The following STK3 variants were observed in gnomAD, a reference collection of about 807,000 sequenced individuals.
STK3 encodes the protein serine/threonine-protein kinase 3.
STK3 carries 41 observed loss-of-function variants against 58.0 expected under a neutral mutation model. The ratio of observed to expected loss-of-function variants is 0.71; its 90% CI spans 0.55 to 0.92. STK3 has a LOEUF of 0.92. Among genes scored for constraint, STK3 ranks in the 40% least tolerant of loss-of-function variants. The probability of loss-of-function intolerance (pLI) is 0.00; values close to 1 mark genes in which losing one functional copy is unlikely to be tolerated. For missense variants in STK3, 479 were observed against 602.7 expected (o/e 0.79, Z 2.15); for synonymous variants, 170 against 191.0 (o/e 0.89, Z 0.91).
intron 10 of STK3, among the ~76,000 whole-genome samples, chr8:98,521,198 C>T (rs1362084060): frequency 6.6e-6 from 1 of 152,102 alleles, no homozygotes; most frequent in Non-Finnish European, 1.5e-5. Context: ...CTGCAATTCC[C>T]TTTTTAAGGC....
intron 4 of STK3, among the ~76,000 whole-genome samples, chr8:98,746,261 C>T (rs765576669): frequency 3.3e-5 from 5 of 152,172 alleles, no homozygotes; most frequent in African/African-American, 9.6e-5. Flanking sequence ...TCACGTTTTA[C>T]GCAATGTCTA....
chr8:98,442,102 C>T (rs1022861979), intron 1 of STK3, among the ~76,000 whole-genome samples: 2 of 152,246 alleles, frequency 1.3e-5, no homozygotes, highest in African/African-American at 2.4e-5. Flanking sequence ...CATCTTCTCA[C>T]TCTTCTTTGT....
chr8:98,870,245 A>G (rs892130340), intron 3 of STK3, among the ~76,000 whole-genome samples: 1 of 152,176 alleles, frequency 6.6e-6, no homozygotes, highest in African/African-American at 2.4e-5. Flanking sequence ...TCTATCACTG[A>G]TGGACATTTG....
chr8:98,917,009 T>C (rs1029585255), intron 1 of STK3, among the ~76,000 whole-genome samples: 1 of 152,182 alleles, frequency 6.6e-6, no homozygotes, highest in African/African-American at 2.4e-5. Context: ...TCTGCACTTC[T>C]TCATGCAGGT....
upstream of STK3, among the ~76,000 whole-genome samples, chr8:98,391,177 C>T (rs766953950): frequency 3.5e-4 from 53 of 152,180 alleles, no homozygotes; most frequent in Non-Finnish European, 3.1e-4. Context: ...AAGGATGTTG[C>T]TATTTTTGTC....
rs141490802 is a variant in STK3, at chr8:98,908,876, C to T, written c.-78-25042G>A. On this transcript the variant is annotated intron_variant, in intron 1 of 1. Transcript: ENST00000519420. ...AAAAAAAAAAAAAAGAAAAACAAGG[C>T]TGGGAGAGGTGGCTCATGTCTGTAA... 1.7e-3 allele frequency among the ~76,000 whole-genome samples: 255 copies of T among 146,910 alleles called. 1 individual carries two copies. The highest frequency in any genetic ancestry group is 6.0e-3 in the African/African-American group (242 of 40,032).
At chr8:98,907,241 C>T (rs887353798) in intron 1 of STK3, among the ~76,000 whole-genome samples, 2 of 151,924 alleles carry the variant, frequency 1.3e-5, no homozygotes, top group African/African-American at 4.8e-5. Context: ...AGGCCGGGTG[C>T]GGTGGCTTAT....
chr8:98,567,368 T>C lies in STK3; in HGVS notation c.948+12296A>G, dbSNP rs2131664395. 2.0e-5 allele frequency among the ~76,000 whole-genome samples: 3 copies of C among 152,236 alleles called. No homozygotes were observed. The Middle Eastern group carries it at 0.01, about 518-fold the overall frequency. ...GAGCACCACCATGCCTGGCTAATTT[T>C]TGAATTTTTGGTAGAGATGGGGTTT... On this transcript the variant is annotated intron_variant, in intron 8 of 10. Transcript: ENST00000419617.
chr8:98,718,026 G>C (rs1267022021), intron 4 of STK3, among the ~76,000 whole-genome samples: 1 of 152,154 alleles, frequency 6.6e-6, no homozygotes, highest in African/African-American at 2.4e-5. Flanking sequence ...ATAGACAGTA[G>C]AACAGTGGTT....
intron 6 of STK3, among the ~76,000 whole-genome samples, chr8:98,624,001 C>T (rs6992925): frequency 0.3 from 45,757 of 152,076 alleles, 7,208 homozygotes; most frequent in Admixed American, 0.42. Context: ...TTAAGTTAGA[C>T]GGAGGGACAG....
intron 1 of STK3, 90 bp from the exon 2 acceptor site, chr8:98,774,909 T>C (rs1831569944): frequency 1.1e-5 from 10 of 876,084 alleles, no homozygotes; most frequent in Non-Finnish European, 1.7e-5. Context: ...AAGTTTTTAA[T>C]TTTATTTTAA....
intron 7 of STK3, among the ~76,000 whole-genome samples, chr8:98,583,150 CA>C (rs1814076890): frequency 6.6e-6 from 1 of 151,312 alleles, no homozygotes; most frequent in Admixed American, 6.6e-5. Flanking sequence ...ACAATTGAAA[CA>C]TTTTTATTAG....
upstream of STK3, among the ~76,000 whole-genome samples, chr8:98,826,008 G>A (rs1458213767): frequency 1.3e-5 from 2 of 151,262 alleles, no homozygotes; most frequent in East Asian, 1.9e-4. Flanking sequence ...GCGGGGCCGG[G>A]GACGAAGGCC....
chr8:98,397,087 A>T (rs1172071764), downstream of STK3, among the ~76,000 whole-genome samples: 1 of 152,222 alleles, frequency 6.6e-6, no homozygotes, highest in Non-Finnish European at 1.5e-5. Context: ...ACCAGAGTGC[A>T]ACAGAATCTG....
intron 3 of STK3, among the ~76,000 whole-genome samples, chr8:98,868,144 T>C (rs1170452396): frequency 6.6e-6 from 1 of 152,194 alleles, no homozygotes; most frequent in East Asian, 1.9e-4. Context: ...ACCTCCAATG[T>C]ATAATCCTGG....
At chr8:98,551,984 C>T (rs749298308) in intron 8 of STK3, among the ~76,000 whole-genome samples, 6 of 152,140 alleles carry the variant, frequency 3.9e-5, no homozygotes, top group Non-Finnish European at 8.8e-5. Flanking sequence ...TAAGGTCACA[C>T]ACCTACTTAA....
chr8:98,508,589 AC>A (rs1400325665), intron 10 of STK3, among the ~76,000 whole-genome samples: 2 of 152,196 alleles, frequency 1.3e-5, no homozygotes, highest in African/African-American at 2.4e-5. Flanking sequence ...TATGTACTAA[AC>A]AACCATTGAA....
chr8:98,488,841 C>A (rs750034099), intron 10 of STK3, among the ~76,000 whole-genome samples: 2 of 152,144 alleles, frequency 1.3e-5, no homozygotes, highest in African/African-American at 4.8e-5. Context: ...TACAGTCATT[C>A]GGAATAAAAG....
rs569174692 is a variant in STK3 at position 98,817,059 on chromosome 8, T to A, written c.26+8456A>T. Among the ~76,000 whole-genome samples, 8 of 152,328 alleles carry A rather than the reference T, an allele frequency of 5.3e-5. No individual in the cohort carries two copies. The South Asian group carries it at 6.2e-4, about 12-fold the overall frequency. On this transcript the variant is annotated intron_variant, in intron 1 of 10. Transcript: ENST00000419617. ...TATTTTGCAATAAAAAGATTTTTTT[T>A]AAAATAGCAGGTTACCAGCACACCT...
Sources: gnomAD v4.1 joint callset for allele counts (sites outside exome capture counted in the v4.1 genomes callset) on GRCh38, gnomAD v4.1.1 for gene constraint, MANE v1.5 for transcripts, NCBI Gene and HGNC (gene_info 2026-07-23, HGNC 2026-07-21) for gene names.